ADAM17: variants seen among roughly 807,000 people sequenced by gnomAD.
ADAM17 encodes the protein disintegrin and metalloproteinase domain-containing protein 17.
In ADAM17, 39 loss-of-function variants were observed where a neutral mutation model predicts 96.7. The ratio of observed to expected loss-of-function variants is 0.40; its 90% confidence interval spans 0.31 to 0.53. The LOEUF is 0.53. ADAM17 is among the 20% of genes least tolerant of loss of function. The pLI is 0.44. For missense variants in ADAM17, 777 were observed against 1,013.2 expected (o/e 0.77, Z 3.17); for synonymous variants, 344 against 359.2 (o/e 0.96, Z 0.48).
intron 1 of ADAM17, among the ~76,000 whole-genome samples, chr2:9,554,018 G>C (rs949466423): frequency 1.3e-5 from 2 of 150,772 alleles, no homozygotes; most frequent in Non-Finnish European, 3.0e-5. Context: ...AGCTGAGATC[G>C]CGCCACTGCA....
At chr2:9,519,457 G>A (rs181196619) in intron 8 of ADAM17, among the ~76,000 whole-genome samples, 17 of 152,306 alleles carry the variant, frequency 1.1e-4, no homozygotes, top group African/African-American at 1.9e-4. Context: ...AGCTGTTCTA[G>A]GAGTCAGGAG....
At chr2:9,497,690 C>G (rs1050247946) in intron 13 of ADAM17, among the ~76,000 whole-genome samples, 1 of 152,196 alleles carries the variant, frequency 6.6e-6, no homozygotes, top group Admixed American at 6.5e-5. Context: ...TCAATATTAA[C>G]AGATACTATT....
intron 14 of ADAM17, among the ~76,000 whole-genome samples, chr2:9,495,325 G>A (rs1347035535): frequency 6.6e-6 from 1 of 152,166 alleles, no homozygotes; most frequent in Non-Finnish European, 1.5e-5. Context: ...GAGCCATGTG[G>A]GCATACATAA....
At position 9,490,162 on chromosome 2, in the gene ADAM17, G is replaced by T; in HGVS notation, c.*15C>A. On this transcript the variant is annotated 3_prime_UTR_variant, in exon 19 of 19. Coordinates refer to ENST00000310823, the MANE Select transcript of ADAM17 (RefSeq NM_003183.6). ...AATATTTTGCACACTTAAGTCAGAAGAGCTGAGAACTAAATTAGCACTCTG... is the reference window on the plus strand; with the variant it reads ...AATATTTTGCACACTTAAGTCAGAATAGCTGAGAACTAAATTAGCACTCTG... 6.3e-7 allele frequency: 1 copy of T among 1,577,112 alleles called. No individual in the cohort carries two copies. The highest frequency in any genetic ancestry group is 1.1e-5 in the South Asian group (1 of 88,638).
intron 1 of ADAM17, among the ~76,000 whole-genome samples, chr2:9,544,083 C>T (rs186118918): frequency 1.3e-5 from 2 of 152,286 alleles, no homozygotes; most frequent in South Asian, 2.1e-4. Context: ...AGACACCCCC[C>T]ACCTTTCCCA....
intron 4 of ADAM17, among the ~76,000 whole-genome samples, chr2:9,533,854 T>C (rs989906687): frequency 6.6e-6 from 1 of 152,126 alleles, no homozygotes; most frequent in Non-Finnish European, 1.5e-5. Context: ...CTAACCCACA[T>C]CAAGCCACAG....
At chr2:9,538,595 G>C (rs1192286242) in intron 2 of ADAM17, among the ~76,000 whole-genome samples, 6 of 152,136 alleles carry the variant, frequency 3.9e-5, no homozygotes, top group Non-Finnish European at 1.5e-5. Flanking sequence ...AAAGCTAAGA[G>C]TTGCAACATT....
At chr2:9,519,254 G>A (rs1462421942) in intron 8 of ADAM17, among the ~76,000 whole-genome samples, 1 of 152,202 alleles carries the variant, frequency 6.6e-6, no homozygotes, top group Non-Finnish European at 1.5e-5. Flanking sequence ...CCTATATGAG[G>A]AATGAAGTGT....
At chr2:9,531,083 G>A (rs4258773) in intron 4 of ADAM17, among the ~76,000 whole-genome samples, 62,816 of 151,856 alleles carry the variant, frequency 0.41, 14,154 homozygotes, top group Middle Eastern at 0.61. Flanking sequence ...TAGGCCTCCC[G>A]AGCAGTTGGG....
intron 6 of ADAM17, among the ~76,000 whole-genome samples, chr2:9,524,885 C>G (rs1184674092): frequency 6.6e-6 from 1 of 152,184 alleles, no homozygotes; most frequent in African/African-American, 2.4e-5. Flanking sequence ...GAATATTCTA[C>G]TGTTCAAAAA....
intron 17 of ADAM17, 108 bp downstream of exon 17, chr2:9,492,790 C>T: frequency 1.1e-6 from 1 of 875,488 alleles, no homozygotes; most frequent in Non-Finnish European, 1.7e-6. Flanking sequence ...TTGGAAATAT[C>T]AGGCCAAACT....
At chr2:9,529,962 TC>T (rs1664673606) in intron 4 of ADAM17, among the ~76,000 whole-genome samples, 1 of 145,728 alleles carries the variant, frequency 6.9e-6, no homozygotes, top group Non-Finnish European at 1.5e-5. Context: ...AGACTCCATC[TC>T]AAAAATACAC....
intron 1 of ADAM17, among the ~76,000 whole-genome samples, chr2:9,553,764 A>C (rs1239617420): frequency 2.6e-5 from 4 of 151,954 alleles, no homozygotes; most frequent in Non-Finnish European, 5.9e-5. Context: ...CATTTTGCAA[A>C]TAAAAAACAA....
At chr2:9,545,874 G>C (rs142602064) in intron 1 of ADAM17, among the ~76,000 whole-genome samples, 149 of 152,116 alleles carry the variant, frequency 9.8e-4, no homozygotes, top group African/African-American at 3.4e-3. Context: ...TGAGAGAATT[G>C]CTTGACCCAA....
chr2:9,538,004 A>AGGGAGGGGGGGAGAG, intron 2 of ADAM17, among the ~76,000 whole-genome samples: 1 of 2,224 alleles, frequency 4.5e-4, no homozygotes, highest in Admixed American at 3.9e-3. Context: ...GGGGAGGGGA[A>AGGGAGGGGGGGAGAG]GGGAGGGGAG....
At position 9,489,132 on chromosome 2, in the gene ADAM17, A is replaced by T. The variant is rs1211401333; in HGVS notation, c.*1045T>A. ...TAGTATTCTATCTCCTGGCTGGCTC[A>T]TCACATTCAAAACAACCTGTTTTTT... On this transcript the variant is annotated 3_prime_UTR_variant, in exon 19 of 19. Transcript: ENST00000310823. 1 of 148,454 alleles carries T rather than the reference A, an allele frequency of 6.7e-6. No individual in the cohort carries two copies. Among genetic ancestry groups the T allele is most frequent in the Non-Finnish European group, 1.5e-5 (1 of 66,950 alleles). 9.2% of individuals were successfully genotyped at this position (148,454 alleles called of 1,614,324 possible).
chr2:9,548,089 G>A (rs1665465358), intron 1 of ADAM17, among the ~76,000 whole-genome samples: 1 of 150,618 alleles, frequency 6.6e-6, no homozygotes, highest in African/African-American at 2.4e-5. Context: ...AAAAAAAAGA[G>A]AGAGAAAGCC....
At chr2:9,528,355 T>C (rs1179276688) in intron 4 of ADAM17, among the ~76,000 whole-genome samples, 4 of 152,224 alleles carry the variant, frequency 2.6e-5, no homozygotes, top group African/African-American at 4.8e-5. Context: ...TTTCTGTTCA[T>C]GCAGCATTTT....
chr2:9,540,567 A>G (rs549421590), intron 2 of ADAM17, among the ~76,000 whole-genome samples: 1 of 152,286 alleles, frequency 6.6e-6, no homozygotes, highest in South Asian at 2.1e-4. Flanking sequence ...CATAAAATCG[A>G]ATAAAAAGAA....
Sources: gnomAD v4.1 joint callset for allele counts (sites outside exome capture counted in the v4.1 genomes callset) on GRCh38, gnomAD v4.1.1 for gene constraint, MANE v1.5 for transcripts, NCBI Gene and HGNC (gene_info 2026-07-23, HGNC 2026-07-21) for gene names.